Variants in OSTN observed in about 807,000 individuals in gnomAD.
OSTN encodes the protein osteocrin.
In OSTN, 9 loss-of-function variants were observed where a neutral mutation model predicts 12.0. The ratio of observed to expected loss-of-function variants is 0.75; its 90% CI spans 0.45 to 1.30. OSTN has a LOEUF of 1.30. Ranked by LOEUF, OSTN falls within the 50% of genes most tolerant of loss-of-function variation. The pLI is 0.00. For missense variants in OSTN, 148 were observed against 152.3 expected (o/e 0.97, Z 0.15); for synonymous variants, 59 against 56.9 (o/e 1.04, Z -0.16).
chr3:191,258,015 A>G (rs1049018655), intron 4 of OSTN, among the ~76,000 whole-genome samples: 1 of 152,232 alleles, frequency 6.6e-6, no homozygotes, highest in Non-Finnish European at 1.5e-5. Context: ...GGTAAAACTC[A>G]CTAGTCTAAA....
chr3:191,256,329 A>G (rs1019314248), intron 4 of OSTN, among the ~76,000 whole-genome samples: 1 of 152,148 alleles, frequency 6.6e-6, no homozygotes, highest in Non-Finnish European at 1.5e-5. Context: ...AATAAGCTGT[A>G]TATGTTTTTC....
At chr3:191,225,040 A>G (rs958461948) in intron 3 of OSTN, among the ~76,000 whole-genome samples, 5 of 152,100 alleles carry the variant, frequency 3.3e-5, no homozygotes, top group African/African-American at 7.2e-5. Context: ...TAATAAATCA[A>G]TGCAAAGCTG....
At position 191,262,848 on chromosome 3, in the gene OSTN, C is replaced by G; in HGVS notation, c.*13-18C>G. On this transcript the variant is annotated intron_variant, in intron 4 of 4. Coordinates refer to ENST00000682035, the MANE Select transcript of OSTN (RefSeq NM_198184.2). ...GAGTTCTCATTAGCTTTAACAATCT[C>G]AACTTTCGTTTTTGCAGATGCAACT... is the stretch of plus-strand genomic sequence containing the variant. The G allele has an allele frequency of 1.4e-6, 1 of 701,830 alleles. No individual in the cohort carries two copies. Among genetic ancestry groups the G allele is most frequent in the Non-Finnish European group, 2.6e-6 (1 of 384,190 alleles). 43.5% of individuals were successfully genotyped at this position (701,830 alleles called of 1,614,324 possible).
At chr3:191,248,229 T>G (rs1366120854) in intron 3 of OSTN, among the ~76,000 whole-genome samples, 3 of 152,180 alleles carry the variant, frequency 2.0e-5, no homozygotes, top group Non-Finnish European at 2.9e-5. Context: ...ATTATTTTCC[T>G]CTACTATTTA....
intron 1 of OSTN, among the ~76,000 whole-genome samples, chr3:191,202,733 A>T (rs1242537043): frequency 6.6e-6 from 1 of 152,162 alleles, no homozygotes; most frequent in African/African-American, 2.4e-5. Context: ...CTGCGTAAAA[A>T]GTTGCCTATG....
chr3:191,252,142 C>T (rs993787374), intron 4 of OSTN, among the ~76,000 whole-genome samples: 4 of 152,164 alleles, frequency 2.6e-5, no homozygotes, highest in Non-Finnish European at 4.4e-5. Context: ...TCACTGCAAC[C>T]TCTGCCTCCC....
At chr3:191,216,785 C>T (rs1714623549) in intron 2 of OSTN, among the ~76,000 whole-genome samples, 1 of 152,208 alleles carries the variant, frequency 6.6e-6, no homozygotes, top group Non-Finnish European at 1.5e-5. Flanking sequence ...TCAGCCTGGA[C>T]TTCATTGTCC....
chr3:191,230,562 CAAAAAAAAAA>C (rs35542147), intron 3 of OSTN, among the ~76,000 whole-genome samples: 2 of 36,448 alleles, frequency 5.5e-5, no homozygotes, highest in South Asian at 1.2e-3. Flanking sequence ...GACTCCGTCT[CAAAAAAAAAA>C]AAAAAAAAAA....
intron 4 of OSTN, among the ~76,000 whole-genome samples, chr3:191,261,075 T>A (rs1715797876): frequency 6.6e-6 from 1 of 152,162 alleles, no homozygotes; most frequent in Non-Finnish European, 1.5e-5. Context: ...TTACTCTTTT[T>A]GCCAGCAGAT....
chr3:191,233,643 GC>G (rs1715115528), intron 3 of OSTN, among the ~76,000 whole-genome samples: 1 of 151,982 alleles, frequency 6.6e-6, no homozygotes, highest in Admixed American at 6.6e-5. Context: ...GAGCTACCAC[GC>G]CCTGACTTTT....
chr3:191,201,846 A>T (rs7641253), intron 1 of OSTN, among the ~76,000 whole-genome samples: 60,774 of 152,076 alleles, frequency 0.4, 12,827 homozygotes, highest in African/African-American at 0.54. Flanking sequence ...AAAAGTTGCC[A>T]TATTTCAAAG....
chr3:191,216,128 C>A (rs1171504076), intron 2 of OSTN, among the ~76,000 whole-genome samples: 1 of 152,116 alleles, frequency 6.6e-6, no homozygotes, highest in Non-Finnish European at 1.5e-5. Context: ...AGCAGGCCCC[C>A]AAACATGTGT....
chr3:191,251,408 T>C (rs756197913), intron 4 of OSTN, among the ~76,000 whole-genome samples: 6 of 152,210 alleles, frequency 3.9e-5, no homozygotes, highest in Non-Finnish European at 8.8e-5. Context: ...AAACTGGAAC[T>C]GCTTTAACAA....
chr3:191,209,980 C>A (rs1714377978), intron 1 of OSTN, among the ~76,000 whole-genome samples: 1 of 152,116 alleles, frequency 6.6e-6, no homozygotes, highest in Admixed American at 6.6e-5. Context: ...CATTCTCACA[C>A]TGCTATAAAG....
At chr3:191,218,554 T>A (rs906836599) in intron 2 of OSTN, among the ~76,000 whole-genome samples, 193 bp from the exon 3 acceptor site, 1 of 152,100 alleles carries the variant, frequency 6.6e-6, no homozygotes, top group African/African-American at 2.4e-5. Flanking sequence ...ACCTGGGAAG[T>A]GGACATTGCA....
At chr3:191,233,448 G>GT (rs1429192734) in intron 3 of OSTN, among the ~76,000 whole-genome samples, 1 of 151,364 alleles carries the variant, frequency 6.6e-6, no homozygotes, top group African/African-American at 2.4e-5. Context: ...TCTTTTTTTC[G>GT]TTTTTTGAGA....
At position 191,263,329 on chromosome 3, in the gene OSTN, G is replaced by A. The variant is rs893220382; in HGVS notation, c.*476G>A. On this transcript the variant is annotated 3_prime_UTR_variant, in exon 5 of 5. Transcript: ENST00000682035. Reference sequence around the variant, plus strand: ...TTCCCTGTATTCCATTTTTCCAAGAGTCTGATCGGTAATAATTATGAAATT... The same window carrying A: ...TTCCCTGTATTCCATTTTTCCAAGAATCTGATCGGTAATAATTATGAAATT... The A allele has an allele frequency of 4.6e-5, 7 of 152,916 alleles. No individual in the cohort carries two copies. Among genetic ancestry groups the A allele is most frequent in the African/African-American group, 1.7e-4 (7 of 41,430 alleles). 9.5% of individuals were successfully genotyped at this position (152,916 alleles called of 1,614,324 possible).
chr3:191,212,415 T>C, intron 1 of OSTN, 118 bp from the exon 2 acceptor site: 1 of 417,914 alleles, frequency 2.4e-6, no homozygotes, highest in South Asian at 5.9e-5. Flanking sequence ...CACTCAAATA[T>C]ACTGAAGCCG....
intron 3 of OSTN, among the ~76,000 whole-genome samples, chr3:191,233,395 A>G (rs1208960921): frequency 1.3e-5 from 2 of 152,132 alleles, no homozygotes; most frequent in East Asian, 1.9e-4. Context: ...TCTCATTTCC[A>G]TTCACTTGTT....
Sources: allele counts gnomAD v4.1 joint callset (sites outside exome capture counted in the v4.1 genomes callset), GRCh38; gene constraint gnomAD v4.1.1; transcripts MANE v1.5; gene names NCBI Gene and HGNC (gene_info 2026-07-23, HGNC 2026-07-21).